The following SEPTIN7 variants were observed in gnomAD, a reference collection of about 807,000 sequenced individuals.
SEPTIN7 encodes the protein septin 7.
Under a neutral mutation model 63.3 loss-of-function variants are expected in SEPTIN7, and 10 were observed. The observed-to-expected ratio is 0.16, with a 90% CI of 0.10 to 0.27. The LOEUF (loss-of-function observed/expected upper bound fraction) is 0.27. Among genes scored for constraint, SEPTIN7 ranks in the 10% least tolerant of loss-of-function variants. The probability of loss-of-function intolerance (pLI) is 1.00; values close to 1 mark genes in which losing one functional copy is unlikely to be tolerated. For synonymous variants in SEPTIN7, 131 were observed against 165.3 expected (o/e 0.79, Z 1.59); for missense variants, 310 against 521.0 (o/e 0.59, Z 3.94).
chr7:35,863,942 C>A (rs1303843355), intron 4 of SEPTIN7, among the ~76,000 whole-genome samples: 5 of 147,422 alleles, frequency 3.4e-5, no homozygotes, highest in Non-Finnish European at 7.5e-5. Flanking sequence ...GTATGGTAGT[C>A]ATTTGCCACA....
At chr7:35,908,326 T>C (rs1472956666), downstream of SEPTIN7, among the ~76,000 whole-genome samples, 1 of 152,222 alleles carries the variant, frequency 6.6e-6, no homozygotes, top group Non-Finnish European at 1.5e-5. Flanking sequence ...TTAGAAGACT[T>C]TGAAAGCTTC....
chr7:35,878,646 C>T (rs757887125), intron 6 of SEPTIN7, among the ~76,000 whole-genome samples: 2 of 152,086 alleles, frequency 1.3e-5, no homozygotes, highest in Non-Finnish European at 2.9e-5. Context: ...GATATACATA[C>T]ATCATGCATA....
At chr7:35,835,587 A>AT (rs1784046277) in intron 3 of SEPTIN7, among the ~76,000 whole-genome samples, 1 of 152,140 alleles carries the variant, frequency 6.6e-6, no homozygotes, top group Non-Finnish European at 1.5e-5. Context: ...TAATCTGGGG[A>AT]TACTGGGTAT....
At chr7:35,912,355 CT>C in the SEPTIN7 span, among the ~76,000 whole-genome samples, 1 of 152,264 alleles carries the variant, frequency 6.6e-6, no homozygotes, top group Non-Finnish European at 1.5e-5. Flanking sequence ...CATGTTCCTG[CT>C]GCAGATAACT....
intron 3 of SEPTIN7, among the ~76,000 whole-genome samples, chr7:35,850,482 G>A (rs1485622696): frequency 6.6e-6 from 1 of 152,162 alleles, no homozygotes; most frequent in Non-Finnish European, 1.5e-5. Context: ...AAAACATTCT[G>A]AAAGGACTTA....
intron 1 of SEPTIN7, among the ~76,000 whole-genome samples, chr7:35,814,237 C>A (rs542243950): frequency 6.6e-6 from 1 of 152,070 alleles, no homozygotes; most frequent in Non-Finnish European, 1.5e-5. Context: ...TACATTTTCA[C>A]CCCCAGTGAA....
chr7:35,914,584 A>G, the SEPTIN7 span, among the ~76,000 whole-genome samples: 5 of 151,888 alleles, frequency 3.3e-5, no homozygotes, highest in East Asian at 9.6e-4. Flanking sequence ...CAGCTTCCAC[A>G]ATTGTGTGAC....
chr7:35,889,920 A>G (rs907887801), intron 10 of SEPTIN7, among the ~76,000 whole-genome samples: 1 of 152,160 alleles, frequency 6.6e-6, no homozygotes, highest in African/African-American at 2.4e-5. Flanking sequence ...CAGATATAGG[A>G]AGTTTGAGAT....
At chr7:35,867,006 A>G (rs1276792671) in intron 4 of SEPTIN7, among the ~76,000 whole-genome samples, 2 of 152,226 alleles carry the variant, frequency 1.3e-5, no homozygotes, top group African/African-American at 4.8e-5. Flanking sequence ...CAGTCTGGGT[A>G]CTACATTTTG....
At chr7:35,843,860 T>C (rs1171015709) in intron 3 of SEPTIN7, among the ~76,000 whole-genome samples, 2 of 152,218 alleles carry the variant, frequency 1.3e-5, no homozygotes, top group African/African-American at 4.8e-5. Context: ...GAACCCTAAG[T>C]AAGCAGATGA....
At chr7:35,895,219 G>T (rs1272640430) in intron 11 of SEPTIN7, among the ~76,000 whole-genome samples, 2 of 152,086 alleles carry the variant, frequency 1.3e-5, no homozygotes, top group South Asian at 2.1e-4. Flanking sequence ...AATAGTAAAT[G>T]TGAAGATAAA....
chr7:35,844,623 G>A (rs559864936), intron 3 of SEPTIN7, among the ~76,000 whole-genome samples: 4 of 151,280 alleles, frequency 2.6e-5, no homozygotes, highest in East Asian at 3.9e-4. Context: ...TTTTTGAGAC[G>A]GAGTCTCACT....
At chr7:35,851,342 C>T (rs1259249427) in intron 3 of SEPTIN7, among the ~76,000 whole-genome samples, 5 of 151,994 alleles carry the variant, frequency 3.3e-5, no homozygotes, top group Non-Finnish European at 7.4e-5. Flanking sequence ...GTTATTTCCC[C>T]TTAAACTGCA....
intron 11 of SEPTIN7, among the ~76,000 whole-genome samples, chr7:35,891,989 T>A (rs1276413080): frequency 2.6e-5 from 4 of 152,188 alleles, no homozygotes; most frequent in Non-Finnish European, 5.9e-5. Flanking sequence ...AGCCTAGGCC[T>A]ACTCAGGGTC....
intron 3 of SEPTIN7, among the ~76,000 whole-genome samples, chr7:35,837,610 T>A (rs1310997401): frequency 1.3e-5 from 2 of 152,238 alleles, no homozygotes; most frequent in Non-Finnish European, 2.9e-5. Flanking sequence ...TTGTGTACCA[T>A]TTTGTATGCT....
chr7:35,887,077 A>G (rs1227124597), intron 10 of SEPTIN7, among the ~76,000 whole-genome samples: 6 of 152,222 alleles, frequency 3.9e-5, no homozygotes, highest in Admixed American at 6.5e-5. Flanking sequence ...TTCAGGCTCT[A>G]TTATGAACCA....
At chr7:35,809,555 T>C (rs759105770) in intron 1 of SEPTIN7, among the ~76,000 whole-genome samples, 4 of 152,206 alleles carry the variant, frequency 2.6e-5, no homozygotes, top group Non-Finnish European at 5.9e-5. Context: ...TGTGATACGA[T>C]ATAAAGGTAT....
chr7:35,906,210 TTATAA>T lies in SEPTIN7; in HGVS notation c.*1920_*1924del, dbSNP rs1788601453. 2 of 152,210 alleles carry T rather than the reference TTATAA, an allele frequency of 1.3e-5. No individual in the cohort carries two copies. Among genetic ancestry groups the T allele is most frequent in the Non-Finnish European group, 1.5e-5 (1 of 68,036 alleles). The allele number at this position is 152,210 out of a possible 1,614,324, so 9.4% of individuals were successfully genotyped here. A position where few individuals can be genotyped will look rare whatever the true frequency, so the allele number is the denominator to read the frequency against. On this transcript the variant is annotated 3_prime_UTR_variant, in exon 14 of 14. Transcript: ENST00000350320. ...AAATACTATTTCAAAATTCTATGTA[TTATAA>T]TAATAAATTTGTAAGACATTCATTA...
chr7:35,826,171 G>A (rs1783504058), intron 1 of SEPTIN7, among the ~76,000 whole-genome samples: 1 of 151,706 alleles, frequency 6.6e-6, no homozygotes, highest in Non-Finnish European at 1.5e-5. Context: ...TTTCCCTTAG[G>A]CTGTATGAGA....
Sources: gnomAD v4.1 joint callset for allele counts (sites outside exome capture counted in the v4.1 genomes callset) on GRCh38, gnomAD v4.1.1 for gene constraint, MANE v1.5 for transcripts, NCBI Gene and HGNC (gene_info 2026-07-23, HGNC 2026-07-21) for gene names.